The following TBC1D9 variants were observed in gnomAD, a reference collection of about 807,000 sequenced individuals.
TBC1D9 encodes TBC1 domain family member 9A.
In TBC1D9, 63 loss-of-function variants were observed where a neutral mutation model predicts 132.0. The ratio of observed to expected loss-of-function variants is 0.48; its 90% CI spans 0.39 to 0.59. The LOEUF (loss-of-function observed/expected upper bound fraction) is 0.59. TBC1D9 is among the 20% of genes least tolerant of loss of function. The pLI is 0.00. For synonymous variants in TBC1D9, 610 were observed against 609.9 expected (o/e 1.00, Z 0.00); for missense variants, 1,261 against 1,592.7 (o/e 0.79, Z 3.54).
intron 1 of TBC1D9, among the ~76,000 whole-genome samples, chr4:140,703,262 A>G (rs1273720361): frequency 6.6e-6 from 1 of 152,202 alleles, no homozygotes; most frequent in Non-Finnish European, 1.5e-5. Context: ...GTTTTGCTGA[A>G]TCTGAGGCAC....
intron 5 of TBC1D9, 77 bp from the exon 6 acceptor site, chr4:140,677,178 C>G (rs1011432342): frequency 6.4e-7 from 1 of 1,551,004 alleles, no homozygotes; most frequent in Non-Finnish European, 8.8e-7. Flanking sequence ...GGAAGTTCCC[C>G]CAGCCCATTT....
At chr4:140,741,103 T>C (rs1738751924) in intron 1 of TBC1D9, among the ~76,000 whole-genome samples, 1 of 152,056 alleles carries the variant, frequency 6.6e-6, no homozygotes, top group South Asian at 2.1e-4. Flanking sequence ...TCTCCTCCCT[T>C]TGGAATTCCA....
chr4:140,642,395 G>C lies in TBC1D9; in HGVS notation c.2338-2967C>G, dbSNP rs1290649843. ...CTCTGGAAGATTTCAGAGACAGGCC[G>C]GAGGCCCTTGGCCAGCACCTTCCTG... On this transcript the variant is annotated intron_variant, in intron 13 of 20. Coordinates refer to ENST00000442267, the MANE Select transcript of TBC1D9 (RefSeq NM_015130.3). 3.5e-5 allele frequency: 30 copies of C among 846,740 alleles called. 1 individual carries two copies. The South Asian group carries it at 4.2e-4, about 12-fold the overall frequency. The allele number at this position is 846,740 out of a possible 1,614,324, so 52.5% of individuals were successfully genotyped here.
intron 13 of TBC1D9, among the ~76,000 whole-genome samples, chr4:140,647,028 A>G (rs570374232): frequency 6.6e-6 from 1 of 152,330 alleles, no homozygotes; most frequent in Non-Finnish European, 1.5e-5. Context: ...ATCCAAACAG[A>G]AAAGCAGTGA....
chr4:140,656,901 T>C (rs1737280573), intron 13 of TBC1D9, among the ~76,000 whole-genome samples, 196 bp downstream of exon 13: 1 of 152,206 alleles, frequency 6.6e-6, no homozygotes, highest in Non-Finnish European at 1.5e-5. Flanking sequence ...GCATGCAAGG[T>C]GCCATCTTGG....
chr4:140,622,803 C>T lies in TBC1D9; in HGVS notation c.3193G>A (p.Glu1065Lys). The T allele has an allele frequency of 6.2e-7, 1 of 1,601,816 alleles. No individual in the cohort carries two copies. Among genetic ancestry groups the T allele is most frequent in the Non-Finnish European group, 8.5e-7 (1 of 1,178,310 alleles). The change falls in exon 21 of 21, where the codon GAG (glutamate) becomes AAG (lysine). Residue 1065 changes from glutamate to lysine, a missense_variant. Glu to Lys is a moderately conservative substitution (Grantham distance 56). Coordinates refer to ENST00000442267, the MANE Select transcript of TBC1D9 (RefSeq NM_015130.3). ...AVTSLLLEIG[E>K]VGKLFVAQPA... ...TGGGCCACGAACAACTTGCCGACCT[C>T]CCCAATCTCCAGCAGGAGGCTGGTC...
chr4:140,738,607 T>A (rs143729051), intron 1 of TBC1D9, among the ~76,000 whole-genome samples: 4 of 152,206 alleles, frequency 2.6e-5, no homozygotes, highest in African/African-American at 7.2e-5. Flanking sequence ...AACCTCTAAA[T>A]TGAGATCTGT....
chr4:140,727,817 A>AG (rs1221609019), intron 1 of TBC1D9, among the ~76,000 whole-genome samples: 1 of 151,976 alleles, frequency 6.6e-6, no homozygotes, highest in Non-Finnish European at 1.5e-5. Context: ...AAAAAAAAAA[A>AG]GGGGTGGGAA....
At chr4:140,707,541 C>A (rs1738167330) in intron 1 of TBC1D9, among the ~76,000 whole-genome samples, 1 of 152,186 alleles carries the variant, frequency 6.6e-6, no homozygotes, top group Non-Finnish European at 1.5e-5. Flanking sequence ...CCACCTGCTG[C>A]CACCTGTTCT....
intron 2 of TBC1D9, among the ~76,000 whole-genome samples, chr4:140,688,006 A>G (rs1422527027): frequency 6.6e-6 from 1 of 151,972 alleles, no homozygotes; most frequent in African/African-American, 2.4e-5. Flanking sequence ...AGAGGTCCAC[A>G]TGAGCCTAGG....
At chr4:140,721,692 C>T (rs6853125) in intron 1 of TBC1D9, among the ~76,000 whole-genome samples, 57,498 of 152,032 alleles carry the variant, frequency 0.38, 13,259 homozygotes, top group African/African-American at 0.64. Flanking sequence ...TAATCTATAA[C>T]AATTTCAGTA....
chr4:140,630,663 C>A (rs1736781031), intron 16 of TBC1D9, among the ~76,000 whole-genome samples: 1 of 152,162 alleles, frequency 6.6e-6, no homozygotes, highest in Admixed American at 6.5e-5. Context: ...AGCAGCCAAA[C>A]CTGGGTTCAG....
rs766300047 is a variant in TBC1D9 at position 140,671,712 on chromosome 4, G to GTGTGTGTA, written c.1060-787_1060-786insTACACACA. Among the ~76,000 whole-genome samples the GTGTGTGTA allele has an allele frequency of 5.5e-3, 818 of 147,776 alleles. 7 individuals are homozygous for GTGTGTGTA. Among genetic ancestry groups the GTGTGTGTA allele is most frequent in the African/African-American group, 0.018 (712 of 40,102 alleles). ...TGTGTGTGTGTGTGTGTGTGTGTGT[G>GTGTGTGTA]TGTGCCGAAGCCTACCACATTGGGG... On this transcript the variant is annotated intron_variant, in intron 6 of 20. Coordinates refer to ENST00000442267, the MANE Select transcript of TBC1D9 (RefSeq NM_015130.3).
rs182301752 is a variant in TBC1D9, at chr4:140,624,876, A to T, written c.2900-488T>A. ...AGACCATCCTGGTCAACATGGTGAAACCCTGTTTCTACTAAAAATAGAAAA... is the reference window on the plus strand; with the variant it reads ...AGACCATCCTGGTCAACATGGTGAATCCCTGTTTCTACTAAAAATAGAAAA... On this transcript the variant is annotated intron_variant, in intron 18 of 20. Transcript: ENST00000442267. Among the ~76,000 whole-genome samples, 342 of 152,292 alleles carry T rather than the reference A, an allele frequency of 2.2e-3. 1 individual carries two copies. The highest frequency in any genetic ancestry group is 8.0e-3 in the African/African-American group (332 of 41,556).
intron 1 of TBC1D9, among the ~76,000 whole-genome samples, chr4:140,733,710 A>G (rs1047083633): frequency 7.9e-5 from 12 of 152,208 alleles, no homozygotes; most frequent in East Asian, 5.8e-4. Context: ...CTAAAGGTTC[A>G]TGAAAACTCA....
At chr4:140,673,167 CAA>C (rs36085828) in intron 6 of TBC1D9, among the ~76,000 whole-genome samples, 294 of 135,104 alleles carry the variant, frequency 2.2e-3, no homozygotes, top group Non-Finnish European at 2.4e-3. Context: ...GACCCCATAT[CAA>C]AAAAAAAAAA....
At chr4:140,688,045 C>A (rs1406428195) in intron 2 of TBC1D9, among the ~76,000 whole-genome samples, 1 of 151,884 alleles carries the variant, frequency 6.6e-6, no homozygotes, top group Non-Finnish European at 1.5e-5. Flanking sequence ...GCCATGATCA[C>A]ACCACTGCAC....
rs1737157909 is a variant in TBC1D9, at chr4:140,649,675, C to T, written c.2337+7422G>A. 2.0e-5 allele frequency among the ~76,000 whole-genome samples: 3 copies of T among 152,166 alleles called. No individual in the cohort carries two copies. The South Asian group carries it at 6.2e-4, about 32-fold the overall frequency. On this transcript the variant is annotated intron_variant, in intron 13 of 20. Transcript: ENST00000442267. Reference sequence around the variant, plus strand: ...CTTCTATGGGGGTGGCGTCTGTCTGCACCTGTGTACTTATGTGTTAGGTGG... The same window carrying T: ...CTTCTATGGGGGTGGCGTCTGTCTGTACCTGTGTACTTATGTGTTAGGTGG...
intron 9 of TBC1D9, among the ~76,000 whole-genome samples, chr4:140,662,535 G>A (rs748357336): frequency 6.6e-6 from 1 of 152,202 alleles, no homozygotes; most frequent in African/African-American, 2.4e-5. Flanking sequence ...ACTTGAAATA[G>A]GAGGTTCTGT....
Sources: gnomAD v4.1 joint callset for allele counts (sites outside exome capture counted in the v4.1 genomes callset) on GRCh38, gnomAD v4.1.1 for gene constraint, MANE v1.5 for transcripts, NCBI Gene and HGNC (gene_info 2026-07-23, HGNC 2026-07-21) for gene names.